The following PREPL variants were observed in gnomAD, a reference collection of about 807,000 sequenced individuals.
PREPL encodes the protein prolyl endopeptidase like, also known as prolyl endopeptidase-like.
Under a neutral mutation model 70.6 loss-of-function variants are expected in PREPL, and 77 were observed. The ratio of observed to expected loss-of-function variants is 1.09; its 90% CI spans 0.91 to 1.32. The LOEUF is 1.32. Among genes scored for constraint, PREPL ranks in the 40% most tolerant of loss-of-function variants. PREPL has a pLI of 0.00. For missense variants in PREPL, 1,002 were observed against 778.2 expected (o/e 1.29, Z -3.42); for synonymous variants, 315 against 264.8 (o/e 1.19, Z -1.84).
rs771849667 is a variant in PREPL, at chr2:44,320,305, A to T, written c.*1051T>A. 32 of 1,613,996 alleles carry T rather than the reference A, an allele frequency of 2.0e-5. No individual in the cohort carries two copies. The highest frequency in any genetic ancestry group is 2.7e-5 in the Non-Finnish European group (32 of 1,179,968). ...AGGGGCTGGTTTTGCCATTTGAGGAATGACAGCCACTATGTTGTGTACACA... is the reference window on the plus strand; with the variant it reads ...AGGGGCTGGTTTTGCCATTTGAGGATTGACAGCCACTATGTTGTGTACACA... On this transcript the variant is annotated 3_prime_UTR_variant, in exon 14 of 14. Coordinates refer to ENST00000409411, the MANE Select transcript of PREPL (RefSeq NM_001171613.2).
chr2:44,344,549 C>A lies in PREPL; in HGVS notation c.113G>T (p.Cys38Phe). The change falls in exon 3 of 14, where the codon TGT becomes TTT. Residue 38 changes from cysteine (C) to phenylalanine (F), a missense_variant. Cys to Phe is a radical substitution (Grantham distance 205). Transcript: ENST00000409411. ...HGGFVYYQEG[C>F]CLVRSKDEEA... ...TTCATCTTTGGAACGAACCAAGCAACAACCTTCTTGGTAATAAACAAAACC... is the reference window on the plus strand; with the variant it reads ...TTCATCTTTGGAACGAACCAAGCAAAAACCTTCTTGGTAATAAACAAAACC... 6.2e-7 allele frequency: 1 copy of A among 1,603,864 alleles called. No individual in the cohort carries two copies. Among genetic ancestry groups the A allele is most frequent in the African/African-American group, 1.3e-5 (1 of 74,812 alleles).
rs758003119 is a variant in PREPL at position 44,322,812 on chromosome 2, G to A, written c.1672C>T (p.Arg558Trp). ...IHITAYENDE[R>W]VPLKGIVSYT... is the part of the protein sequence containing the mutation. ...CTTACAATTCCTTTCAGAGGTACCCGTTCATCGTTTTCATATGCCGTTATG... is the reference window on the plus strand; with the variant it reads ...CTTACAATTCCTTTCAGAGGTACCCATTCATCGTTTTCATATGCCGTTATG... Residue 558 changes from arginine (R) to tryptophan (W), a missense_variant, in exon 12 of 14, where the codon CGG (arginine) becomes TGG (tryptophan). By Grantham distance (101) the Arg-to-Trp change is moderately radical (BLOSUM62 -3). Coordinates refer to ENST00000409411, the MANE Select transcript of PREPL (RefSeq NM_001171613.2). 20 of 1,613,528 alleles carry A rather than the reference G, an allele frequency of 1.2e-5. No homozygotes were observed. The highest frequency in any genetic ancestry group is 4.5e-5 in the East Asian group (2 of 44,886).
chr2:44,326,104 C>T (rs1673462219), intron 10 of PREPL, among the ~76,000 whole-genome samples: 2 of 152,190 alleles, frequency 1.3e-5, no homozygotes, highest in African/African-American at 4.8e-5. Context: ...CGTGCTTTGC[C>T]TGGCTTTCTC....
intron 1 of PREPL, chr2:44,359,428 CCA>C: frequency 1.7e-6 from 2 of 1,160,988 alleles, no homozygotes; most frequent in Non-Finnish European, 2.5e-6. Context: ...GATATTCTAC[CCA>C]TTCTTTATTT....
In PREPL at chr2:44,320,733, C is replaced by A; in HGVS notation, c.*623G>T. 5.2e-6 allele frequency: 5 copies of A among 969,518 alleles called. No individual in the cohort carries two copies. The highest frequency in any genetic ancestry group is 8.3e-6 in the Non-Finnish European group (5 of 604,352). 60.1% of individuals were successfully genotyped at this position (969,518 alleles called of 1,614,324 possible). ...TACAGCATGCTGCTTGGTGAACAAT[C>A]ATTAATTCTTCGATATTTCTGTAGC... is the stretch of plus-strand genomic sequence containing the variant. On this transcript the variant is annotated 3_prime_UTR_variant, in exon 14 of 14. Coordinates refer to ENST00000409411, the MANE Select transcript of PREPL (RefSeq NM_001171613.2).
In PREPL at chr2:44,320,328, AC is replaced by A; in HGVS notation, c.*1027del. On this transcript the variant is annotated 3_prime_UTR_variant, in exon 14 of 14. Transcript: ENST00000409411. ...GAATGACAGCCACTATGTTGTGTAC[AC>A]AAGAGAGCTGGATGGCATCGACAGA... The A allele has an allele frequency of 6.2e-7, 1 of 1,614,164 alleles. No individual in the cohort carries two copies. Among genetic ancestry groups the A allele is most frequent in the Non-Finnish European group, 8.5e-7 (1 of 1,179,990 alleles).
chr2:44,338,376 GCCAGA>G lies in PREPL; in HGVS notation c.858_862del (p.Leu287Ter). 6.2e-7 allele frequency: 1 copy of G among 1,612,398 alleles called. No individual in the cohort carries two copies. Among genetic ancestry groups the G allele is most frequent in the Non-Finnish European group, 8.5e-7 (1 of 1,179,656 alleles). ...CTTTAGAGACCGAACTGAATCATCA[GCCAGA>G]CCAATCACATTAACATAAAGGAGAT... On this transcript the variant is annotated frameshift_variant, in exon 7 of 14. Coordinates refer to ENST00000409411, the MANE Select transcript of PREPL (RefSeq NM_001171613.2). LOFTEE classifies it high-confidence loss of function.
intron 9 of PREPL, among the ~76,000 whole-genome samples, chr2:44,327,216 A>T (rs938273070): frequency 6.6e-6 from 1 of 152,220 alleles, no homozygotes. Context: ...CTGCCCATTT[A>T]TCAGGGATTA....
Position 44,321,920 on chromosome 2 carries a change from G to T in PREPL, c.1754-20C>A. 3 of 1,605,110 alleles carry T rather than the reference G, an allele frequency of 1.9e-6. No individual in the cohort carries two copies. The South Asian group carries it at 3.3e-5, about 18-fold the overall frequency. The stretch of plus-strand genomic sequence containing the variant: ...GATAGCCTGGAAGAGTTAACATGTA[G>T]AACAATTAGAAGATTGTATGGGATC... On this transcript the variant is annotated intron_variant, in intron 12 of 13. Coordinates refer to ENST00000409411, the MANE Select transcript of PREPL (RefSeq NM_001171613.2).
rs1675823580 is a variant in PREPL, at chr2:44,346,374, T to G, written c.-32A>C. The stretch of plus-strand genomic sequence containing the variant: ...TGGAAGGGGTTTTTCGTTTTCTTGT[T>G]TAACAGGCTGAAGATCCTGGAAAAA... On this transcript the variant is annotated 5_prime_UTR_variant, in exon 2 of 14. Coordinates refer to ENST00000409411, the MANE Select transcript of PREPL (RefSeq NM_001171613.2). 6.2e-7 allele frequency: 1 copy of G among 1,612,786 alleles called. No homozygotes were observed. Among genetic ancestry groups the G allele is most frequent in the South Asian group, 1.1e-5 (1 of 90,918 alleles).
chr2:44,321,803 A>G (rs1672983942), intron 13 of PREPL, 24 bp downstream of exon 13: 1 of 1,613,766 alleles, frequency 6.2e-7, no homozygotes, highest in African/African-American at 1.3e-5. Flanking sequence ...GAATCTGTCC[A>G]CTGAGAGGGC....
At chr2:44,351,039 C>T (rs1676368934) in intron 1 of PREPL, among the ~76,000 whole-genome samples, 1 of 151,700 alleles carries the variant, frequency 6.6e-6, no homozygotes, top group African/African-American at 2.4e-5. Flanking sequence ...TCTCCTGCCT[C>T]CGCCTCCTGA....
In PREPL at chr2:44,329,095, T is replaced by C; in HGVS notation, c.1104A>G (p.Pro368=). 2 of 1,601,144 alleles carry C rather than the reference T, an allele frequency of 1.2e-6. No homozygotes were observed. Among genetic ancestry groups the C allele is most frequent in the Non-Finnish European group, 8.5e-7 (1 of 1,169,752 alleles). ...AGTCAGTTTTGTGGAAAACAGTCAT[T>C]GGCACTAATTTTCCATCCTAGAAAT... ...EAKSKDGKLV[P]MTVFHKTDSE... The change falls in exon 9 of 14, where the codon CCA becomes CCG. Residue 368 remains proline (P), a synonymous_variant. Coordinates refer to ENST00000409411, the MANE Select transcript of PREPL (RefSeq NM_001171613.2).
chr2:44,344,392 C>T (rs772443507), intron 3 of PREPL, 128 bp downstream of exon 3: 8 of 732,242 alleles, frequency 1.1e-5, no homozygotes, highest in African/African-American at 7.3e-5. Flanking sequence ...AAAAACTAGT[C>T]ATTAAAAAAA....
rs148810409 is a variant in PREPL, at chr2:44,346,364, G to A, written c.-22C>T. Reference sequence around the variant, plus strand: ...CCATGTTTTCTGGAAGGGGTTTTTCGTTTTCTTGTTTAACAGGCTGAAGAT... The same window carrying A: ...CCATGTTTTCTGGAAGGGGTTTTTCATTTTCTTGTTTAACAGGCTGAAGAT... On this transcript the variant is annotated 5_prime_UTR_variant, in exon 2 of 14. The change creates a new upstream start codon in the 5' untranslated region. Coordinates refer to ENST00000409411, the MANE Select transcript of PREPL (RefSeq NM_001171613.2). The A allele has an allele frequency of 1.9e-5, 30 of 1,612,078 alleles. No individual in the cohort carries two copies. Among genetic ancestry groups the A allele is most frequent in the Admixed American group, 3.3e-5 (2 of 59,838 alleles).
intron 5 of PREPL, among the ~76,000 whole-genome samples, chr2:44,341,166 T>C (rs1264439282): frequency 6.6e-6 from 1 of 152,106 alleles, no homozygotes; most frequent in Non-Finnish European, 1.5e-5. Flanking sequence ...TATTAAAAAA[T>C]TATTTTTCTC....
intron 1 of PREPL, chr2:44,360,677 C>T (rs950955902): frequency 3.3e-5 from 5 of 152,176 alleles, no homozygotes; most frequent in African/African-American, 1.2e-4. Context: ...GTTTCTTCAT[C>T]TGCAAAAATG....
Position 44,359,492 on chromosome 2 carries a change from C to T in PREPL, c.-49+1888G>A, listed in dbSNP as rs575814799. 16 of 1,592,244 alleles carry T rather than the reference C, an allele frequency of 1.0e-5. No individual in the cohort carries two copies. In the Admixed American group the frequency reaches 1.3e-4, roughly 13 times the overall value. On this transcript the variant is annotated intron_variant, in intron 1 of 13. Transcript: ENST00000409411. ...TACAAATAGGTTAACTTAAACAGTC[C>T]ATACCTTACATGAGAAGCTCCGACT...
Position 44,322,848 on chromosome 2 carries a change from G to A in PREPL, c.1636C>T (p.Pro546Ser), listed in dbSNP as rs749545849. ...TCATATGCCGTTATGTGAATTGAAG[G>A]ATAATGCTGAAAGAAAATACATGCA... ...PYQNIKPQHY[P>S]SIHITAYEND... Residue 546 changes from proline to serine, a missense_variant, in exon 12 of 14, where the codon CCT becomes TCT. Coordinates refer to ENST00000409411, the MANE Select transcript of PREPL (RefSeq NM_001171613.2). 6.8e-6 allele frequency: 11 copies of A among 1,613,184 alleles called. No individual in the cohort carries two copies. Among genetic ancestry groups the A allele is most frequent in the Non-Finnish European group, 8.5e-6 (10 of 1,179,608 alleles).
Sources: gnomAD v4.1 joint callset for allele counts (sites outside exome capture counted in the v4.1 genomes callset) on GRCh38, gnomAD v4.1.1 for gene constraint, MANE v1.5 for transcripts, NCBI Gene and HGNC (gene_info 2026-07-23, HGNC 2026-07-21) for gene names.